Variants in CLEC20A observed in about 807,000 individuals in gnomAD.
CLEC20A encodes C-type lectin domain containing 20A.
At chr1:178,481,824 A>G (rs961275618) in intron 7 of CLEC20A, 11 of 152,232 alleles carry the variant, frequency 7.2e-5, no homozygotes, top group African/African-American at 2.7e-4. Flanking sequence ...CCCTGACTCA[A>G]AAATAATAGC....
chr1:178,493,928 C>A (rs1016217528), intron 2 of CLEC20A, among the ~76,000 whole-genome samples: 3 of 152,352 alleles, frequency 2.0e-5, no homozygotes, highest in African/African-American at 7.2e-5. Flanking sequence ...TGTATTCTAT[C>A]CTGACTTACA....
intron 3 of CLEC20A, among the ~76,000 whole-genome samples, chr1:178,490,992 G>A (rs756114570): frequency 4.6e-5 from 7 of 152,176 alleles, no homozygotes; most frequent in East Asian, 3.9e-4. Flanking sequence ...TAGACTCACC[G>A]TGCCTGGAGA....
chr1:178,487,789 G>C (rs1285779630), intron 5 of CLEC20A, among the ~76,000 whole-genome samples: 5 of 152,224 alleles, frequency 3.3e-5, no homozygotes, highest in Non-Finnish European at 7.3e-5. Context: ...GCTCGACCTT[G>C]ATCAAGTGCC....
chr1:178,478,966 A>G (rs1648863055), downstream of CLEC20A: 1 of 152,236 alleles, frequency 6.6e-6, no homozygotes, highest in Non-Finnish European at 1.5e-5. Flanking sequence ...ATATTCTTCT[A>G]AAAATATATT....
intron 3 of CLEC20A, among the ~76,000 whole-genome samples, chr1:178,490,774 C>T (rs1649250600): frequency 2.0e-5 from 3 of 152,194 alleles, no homozygotes; most frequent in African/African-American, 7.2e-5. Flanking sequence ...TACATGAAAT[C>T]ACATATGCAA....
At chr1:178,486,952 G>T in intron 5 of CLEC20A, 1 of 396,838 alleles carries the variant, frequency 2.5e-6, no homozygotes, top group East Asian at 3.6e-5. Flanking sequence ...GCGCGAGTAG[G>T]AGGTGCGGAG....
At chr1:178,479,708 A>G (rs1648898042) in intron 7 of CLEC20A, 93 bp from the exon 8 acceptor site, 3 of 395,668 alleles carry the variant, frequency 7.6e-6, no homozygotes, top group Non-Finnish European at 1.3e-5. Context: ...CCCTTTATGC[A>G]TATCCATACC....
chr1:178,487,933 A>G (rs1380590022), intron 5 of CLEC20A, among the ~76,000 whole-genome samples: 1 of 152,262 alleles, frequency 6.6e-6, no homozygotes, highest in Non-Finnish European at 1.5e-5. Flanking sequence ...AAGTAAAATG[A>G]GGTAACAGCT....
intron 6 of CLEC20A, 25 bp from the exon 7 acceptor site, chr1:178,482,422 C>A: frequency 2.5e-6 from 1 of 398,500 alleles, no homozygotes; most frequent in South Asian, 1.3e-4. Flanking sequence ...GCTACCTGTT[C>A]AGGGGGATAT....
intron 5 of CLEC20A, among the ~76,000 whole-genome samples, chr1:178,487,773 G>A (rs1339836859): frequency 6.6e-6 from 1 of 152,182 alleles, no homozygotes; most frequent in Non-Finnish European, 1.5e-5. Context: ...GAATGAACGA[G>A]GCTCTGCTCG....
At position 178,491,253 on chromosome 1, in the gene CLEC20A, C is replaced by T. The variant is rs569549834; in HGVS notation, c.464-816G>A. Among the ~76,000 whole-genome samples the T allele has an allele frequency of 4.8e-4, 73 of 152,300 alleles. No individual in the cohort carries two copies. In the Middle Eastern group the frequency reaches 0.01, roughly 21 times the overall value. On this transcript the variant is annotated intron_variant, in intron 3 of 7. Transcript: ENST00000623247. The stretch of plus-strand genomic sequence containing the variant: ...ATTCCAGACAATGGAAGATTGCCAA[C>T]GACGTGAGTGGCTGGGACTTGACCT...
intron 4 of CLEC20A, 108 bp from the exon 5 acceptor site, chr1:178,488,707 A>G: frequency 2.5e-6 from 1 of 397,710 alleles, no homozygotes; most frequent in Non-Finnish European, 4.4e-6. Flanking sequence ...CATGGTAGCC[A>G]AACTCAGGAG....
chr1:178,490,080 CAGA>C, exon 4 of CLEC20A: 1 of 398,816 alleles, frequency 2.5e-6, no homozygotes, highest in Admixed American at 4.4e-5. Context: ...ACCATAGAAG[CAGA>C]AGAAGGGCAG....
Position 178,494,827 on chromosome 1 carries a change from T to G in CLEC20A, c.41-17A>C, listed in dbSNP as rs1430923912. On this transcript the variant is annotated splice_polypyrimidine_tract_variant and intron_variant, in intron 1 of 7. Coordinates refer to ENST00000623247, the Ensembl canonical transcript of CLEC20A. ...GCTGCAGGGCTGGAACAGGAGAGGC[T>G]GTCATAGCATGGCTGTCCCCACCCC... is the stretch of plus-strand genomic sequence containing the variant. 2.5e-6 allele frequency: 1 copy of G among 399,064 alleles called. No homozygotes were observed. The allele number at this position is 399,064 out of a possible 1,614,324, so 24.7% of individuals were successfully genotyped here. A position where few individuals can be genotyped will look rare whatever the true frequency, so the allele number is the denominator to read the frequency against.
At chr1:178,479,914 A>G (rs954321240) in intron 7 of CLEC20A, 4 of 197,828 alleles carry the variant, frequency 2.0e-5, no homozygotes, top group Non-Finnish European at 2.0e-5. Context: ...AAAAAAAAAA[A>G]AAAAGAAAAA....
At chr1:178,479,820 T>G (rs1270516131) in intron 7 of CLEC20A, 2 of 349,718 alleles carry the variant, frequency 5.7e-6, no homozygotes, top group African/African-American at 2.1e-5. Flanking sequence ...AAAAAAAAAT[T>G]TAATGACAAA....
At chr1:178,491,345 C>T (rs1649262314) in intron 3 of CLEC20A, among the ~76,000 whole-genome samples, 1 of 152,214 alleles carries the variant, frequency 6.6e-6, no homozygotes, top group South Asian at 2.1e-4. Flanking sequence ...GTCACATCCT[C>T]AGATTCAAAT....
chr1:178,486,647 T>TG (rs1414685977), intron 5 of CLEC20A: 2 of 398,514 alleles, frequency 5.0e-6, no homozygotes, highest in Non-Finnish European at 8.8e-6. Context: ...GCTGCTATCC[T>TG]GGGAGTAGCT....
chr1:178,486,978 C>T, intron 5 of CLEC20A: 1 of 395,832 alleles, frequency 2.5e-6, no homozygotes. Context: ...GCTCGCGGGG[C>T]TCCGGGCTGC....
Sources: gnomAD v4.1 joint callset for allele counts (sites outside exome capture counted in the v4.1 genomes callset) on GRCh38, gnomAD v4.1.1 for gene constraint, MANE v1.5 for transcripts, NCBI Gene and HGNC (gene_info 2026-07-23, HGNC 2026-07-21) for gene names.